The following RNF220 variants were observed in gnomAD, a reference collection of about 807,000 sequenced individuals.
The protein encoded by RNF220 is E3 ubiquitin-protein ligase RNF220.
A neutral mutation model predicts 67.1 loss-of-function variants in RNF220; 7 were observed. The observed-to-expected ratio is 0.10, with a 90% CI of 0.06 to 0.20. The LOEUF (loss-of-function observed/expected upper bound fraction) is 0.20. Among genes scored for constraint, RNF220 ranks in the 10% least tolerant of loss-of-function variants. The probability of loss-of-function intolerance (pLI) is 1.00; values close to 1 mark genes in which losing one functional copy is unlikely to be tolerated. For synonymous variants in RNF220, 270 were observed against 283.2 expected (o/e 0.95, Z 0.47); for missense variants, 565 against 740.3 (o/e 0.76, Z 2.75).
intron 2 of RNF220, among the ~76,000 whole-genome samples, chr1:44,490,028 C>A (rs1656709700): frequency 1.3e-5 from 2 of 151,970 alleles, no homozygotes; most frequent in Admixed American, 1.3e-4. Flanking sequence ...TTTCTATGTT[C>A]TTTTTTGTTT....
intron 2 of RNF220, among the ~76,000 whole-genome samples, chr1:44,591,522 C>A (rs115584839): frequency 0.031 from 4,660 of 152,328 alleles, 251 homozygotes; most frequent in African/African-American, 0.11. Context: ...CCAGCTACGT[C>A]CGCCATGTCT....
intron 1 of RNF220, among the ~76,000 whole-genome samples, chr1:44,407,929 C>A (rs965982296): frequency 1.3e-5 from 2 of 152,210 alleles, no homozygotes; most frequent in African/African-American, 4.8e-5. Context: ...CCGCGGGCCC[C>A]GCGCGGCTGC....
chr1:44,531,545 C>A (rs1385435531), intron 2 of RNF220, among the ~76,000 whole-genome samples: 2 of 152,152 alleles, frequency 1.3e-5, no homozygotes, highest in Non-Finnish European at 2.9e-5. Context: ...CTTATTTTTG[C>A]TTATTTTCTC....
chr1:44,617,683 C>T (rs1344469626), intron 3 of RNF220, among the ~76,000 whole-genome samples: 1 of 152,214 alleles, frequency 6.6e-6, no homozygotes, highest in Non-Finnish European at 1.5e-5. Flanking sequence ...CCTCTCCACT[C>T]CTCACCATCA....
intron 2 of RNF220, among the ~76,000 whole-genome samples, chr1:44,441,293 C>A (rs539587762): frequency 2.6e-5 from 4 of 152,250 alleles, no homozygotes; most frequent in East Asian, 3.9e-4. Flanking sequence ...CCAGGAAAGT[C>A]ATGCCTGGCA....
intron 2 of RNF220, among the ~76,000 whole-genome samples, chr1:44,571,764 G>T (rs1235951848): frequency 6.6e-6 from 1 of 152,124 alleles, no homozygotes; most frequent in African/African-American, 2.4e-5. Context: ...CCCATGTGTC[G>T]TATGTCTAAC....
intron 2 of RNF220, among the ~76,000 whole-genome samples, chr1:44,475,609 C>A (rs1450038395): frequency 2.7e-5 from 4 of 149,694 alleles, no homozygotes; most frequent in Admixed American, 6.6e-5. Flanking sequence ...AAGTATATAT[C>A]TCTGTTTAAT....
At chr1:44,472,491 A>G (rs900714341) in intron 2 of RNF220, among the ~76,000 whole-genome samples, 3 of 152,218 alleles carry the variant, frequency 2.0e-5, no homozygotes, top group Admixed American at 1.3e-4. Context: ...CTAGTGACTA[A>G]TGATACTGAG....
chr1:44,509,930 GA>G, intron 2 of RNF220, among the ~76,000 whole-genome samples: 4 of 145,838 alleles, frequency 2.7e-5, no homozygotes, highest in South Asian at 4.4e-4. Context: ...GAAAGAAAAG[GA>G]AAAGAAAGAA....
rs374034575 is a variant in RNF220, at chr1:44,429,417, C to T, written c.625+16695C>T. ...AACATTCTCTCTTGGTTCAGGAGGG[C>T]CAGCAGGCTGGGAGAGCAGAGGAAG... On this transcript the variant is annotated intron_variant, in intron 2 of 14. Coordinates refer to ENST00000361799, the MANE Select transcript of RNF220 (RefSeq NM_018150.4). 3.2e-4 allele frequency among the ~76,000 whole-genome samples: 49 copies of T among 152,276 alleles called. 1 individual carries two copies. The South Asian group carries it at 9.1e-3, about 28-fold the overall frequency.
chr1:44,466,202 C>A (rs1353879048), intron 2 of RNF220, among the ~76,000 whole-genome samples: 1 of 152,124 alleles, frequency 6.6e-6, no homozygotes, highest in African/African-American at 2.4e-5. Context: ...TTTAAGAAAC[C>A]ACTTTGTTTG....
At chr1:44,407,846 C>G (rs1351824719) in intron 1 of RNF220, among the ~76,000 whole-genome samples, 6 of 152,128 alleles carry the variant, frequency 3.9e-5, no homozygotes, top group African/African-American at 1.4e-4. Context: ...CCGGGTGACC[C>G]CCGGGGCGGG....
At chr1:44,635,450 G>A in intron 6 of RNF220, 95 bp from the exon 7 acceptor site, 1 of 1,534,358 alleles carries the variant, frequency 6.5e-7, no homozygotes, top group Non-Finnish European at 8.8e-7. Flanking sequence ...GCCAATGGCT[G>A]GCAAGAGGTC....
intron 2 of RNF220, among the ~76,000 whole-genome samples, chr1:44,424,925 CT>C (rs1649603636): frequency 6.6e-6 from 1 of 152,232 alleles, no homozygotes; most frequent in Admixed American, 6.5e-5. Flanking sequence ...CGAGAAGGGG[CT>C]GGAGAGGGTT....
chr1:44,607,542 A>T lies in RNF220; in HGVS notation c.626-6623A>T, dbSNP rs1228752317. 8.2e-5 allele frequency among the ~76,000 whole-genome samples: 12 copies of T among 146,220 alleles called. No homozygotes were observed. In the Admixed American group the frequency reaches 8.4e-4, roughly 10 times the overall value. ...CGCTTTGTCACCCAGGCTGGAGTGC[A>T]GTGGTGCAATCTCAGCTCACTGCAA... On this transcript the variant is annotated intron_variant, in intron 2 of 14. Coordinates refer to ENST00000361799, the MANE Select transcript of RNF220 (RefSeq NM_018150.4).
chr1:44,510,801 T>C (rs1471523416), intron 2 of RNF220, among the ~76,000 whole-genome samples: 1 of 152,142 alleles, frequency 6.6e-6, no homozygotes, highest in Non-Finnish European at 1.5e-5. Context: ...CCAGTGCTTC[T>C]GGGAGGCACT....
At chr1:44,521,837 A>G (rs1372854631) in intron 2 of RNF220, among the ~76,000 whole-genome samples, 2 of 152,176 alleles carry the variant, frequency 1.3e-5, no homozygotes, top group Non-Finnish European at 2.9e-5. Flanking sequence ...AGTACCTAGC[A>G]TGTAATAGGC....
At chr1:44,636,839 C>T (rs1200817924) in intron 8 of RNF220, among the ~76,000 whole-genome samples, 1 of 152,232 alleles carries the variant, frequency 6.6e-6, no homozygotes, top group Non-Finnish European at 1.5e-5. Context: ...CTCCAGTGCC[C>T]TCCCAGCTCC....
At chr1:44,646,124 G>A (rs1033914506) in intron 12 of RNF220, among the ~76,000 whole-genome samples, 2 of 152,200 alleles carry the variant, frequency 1.3e-5, no homozygotes, top group Non-Finnish European at 2.9e-5. Context: ...GCCTGGTGCT[G>A]CTGCCATTGG....
Sources: gnomAD v4.1 joint callset for allele counts (sites outside exome capture counted in the v4.1 genomes callset) on GRCh38, gnomAD v4.1.1 for gene constraint, MANE v1.5 for transcripts, NCBI Gene and HGNC (gene_info 2026-07-23, HGNC 2026-07-21) for gene names.